The following LYST variants were observed in gnomAD, a reference collection of about 807,000 sequenced individuals.
LYST encodes lysosomal-trafficking regulator.
Under a neutral mutation model 413.6 loss-of-function variants are expected in LYST, and 192 were observed. That is an observed-to-expected ratio of 0.46 (90% CI 0.41 to 0.52). The LOEUF (loss-of-function observed/expected upper bound fraction) is 0.52. Among genes scored for constraint, LYST ranks in the 20% least tolerant of loss-of-function variants. The pLI is 0.00. For synonymous variants in LYST, 1,525 were observed against 1,567.3 expected, an observed-to-expected ratio of 0.97 and a Z score of 0.64; for missense variants, 3,815 against 4,499.9, an observed-to-expected ratio of 0.85 and a Z score of 4.35.
Position 235,808,438 on chromosome 1 carries a change from C to G in LYST, c.2363+17G>C. On this transcript the variant is annotated intron_variant, in intron 5 of 52. Transcript: ENST00000389793. ...TCAACAACCCCCGCCCCCGCCGCCA[C>G]CCACACACATACAAACCTGGATTTA... 1.9e-6 allele frequency: 3 copies of G among 1,611,274 alleles called. No individual in the cohort carries two copies. Among genetic ancestry groups the G allele is most frequent in the Non-Finnish European group, 2.5e-6 (3 of 1,178,588 alleles).
intron 1 of LYST, among the ~76,000 whole-genome samples, chr1:235,852,359 C>T (rs536435947): frequency 9.2e-5 from 14 of 152,196 alleles, no homozygotes; most frequent in Non-Finnish European, 2.1e-4. Context: ...TACCTCAAAG[C>T]CATTTGTGGT....
chr1:235,855,096 C>T (rs1408219534), intron 1 of LYST, among the ~76,000 whole-genome samples: 2 of 152,174 alleles, frequency 1.3e-5, no homozygotes, highest in Non-Finnish European at 2.9e-5. Flanking sequence ...TGGAAATTCC[C>T]ATTAATTCCC....
chr1:235,741,618 T>C lies in LYST; in HGVS notation c.8162A>G (p.Lys2721Arg), dbSNP rs1665410868. The change falls in exon 31 of 53, where the codon AAA becomes AGA. Residue 2721 changes from lysine to arginine, a missense_variant. Physicochemically the swap from Lys to Arg is conservative, Grantham distance 26 (BLOSUM62 2). Coordinates refer to ENST00000389793, the MANE Select transcript of LYST (RefSeq NM_000081.4). ...CCATTGCTGCTTGGAACCACTGGCT[T>C]TACTTGAACCCTAAAATCAATCAAG... ...EGFKVSIGSS[K>R]ASGSKQQWTK... The C allele has an allele frequency of 6.2e-7, 1 of 1,613,260 alleles. No individual in the cohort carries two copies. The highest frequency in any genetic ancestry group is 1.3e-5 in the African/African-American group (1 of 74,906).
chr1:235,757,243 T>C lies in LYST; in HGVS notation c.7059+38A>G, dbSNP rs940229136. On this transcript the variant is annotated intron_variant, in intron 24 of 52. Transcript: ENST00000389793. Reference sequence around the variant, plus strand: ...TTTTAAATTACATATATATTTATTTTTCTGAATTAAAATAACATATCTAGT... The same window carrying C: ...TTTTAAATTACATATATATTTATTTCTCTGAATTAAAATAACATATCTAGT... The C allele has an allele frequency of 1.3e-5, 18 of 1,405,278 alleles. No individual in the cohort carries two copies. The African/African-American group carries it at 1.7e-4, about 13-fold the overall frequency. 87.1% of individuals were successfully genotyped at this position (1,405,278 alleles called of 1,614,324 possible).
Position 235,759,521 on chromosome 1 carries a change from G to T in LYST, c.6332C>A (p.Thr2111Asn), listed in dbSNP as rs138179493. 157 of 1,613,806 alleles carry T rather than the reference G, an allele frequency of 9.7e-5. No individual in the cohort carries two copies. Among genetic ancestry groups the T allele is most frequent in the Non-Finnish European group, 1.3e-4 (148 of 1,179,854 alleles). ...LRSRSLPAFP[T>N]SSLLTQSQKL... ...TTGTGATTGCGTTAGTAGTGAAGAA[G>T]TAGGGAATGCTGGTAGGCTTCTAGA... is the stretch of plus-strand genomic sequence containing the variant. The change falls in exon 23 of 53, where the codon ACT becomes AAT. Residue 2111 changes from threonine to asparagine, a missense_variant. This residue lies in a region of LYST where 530 missense variants were observed against 696.5 expected (regional missense o/e 0.76). Transcript: ENST00000389793.
intron 1 of LYST, among the ~76,000 whole-genome samples, chr1:235,878,001 A>G (rs1198305223): frequency 2.0e-5 from 3 of 152,190 alleles, no homozygotes; most frequent in Admixed American, 2.0e-4. Context: ...ACTGAGGAAG[A>G]CAGTTGACTC....
chr1:235,755,642 T>A lies in LYST; in HGVS notation c.7065A>T (p.Leu2355Phe). ...TAGATGCTCTAGCAAAATATGCATCTAATAGCTAAACAAAAAATTTAAGTC... is the reference window on the plus strand; with the variant it reads ...TAGATGCTCTAGCAAAATATGCATCAAATAGCTAAACAAAAAATTTAAGTC... ...PAIQQGVIKL[L>F]DAYFARASKE... The change falls in exon 25 of 53, where the codon TTA becomes TTT. Residue 2355 changes from leucine (L) to phenylalanine (F), a missense_variant. Transcript: ENST00000389793. 6.3e-7 allele frequency: 1 copy of A among 1,594,914 alleles called. No individual in the cohort carries two copies. The highest frequency in any genetic ancestry group is 8.6e-7 in the Non-Finnish European group (1 of 1,163,000).
At chr1:235,701,876 T>C (rs185662660) in intron 45 of LYST, among the ~76,000 whole-genome samples, 156 of 152,376 alleles carry the variant, frequency 1.0e-3, no homozygotes, top group African/African-American at 3.6e-3. Flanking sequence ...ATTTGACATA[T>C]GTGAGCTATG....
chr1:235,775,556 T>C (rs1669148108), intron 17 of LYST, among the ~76,000 whole-genome samples: 1 of 152,220 alleles, frequency 6.6e-6, no homozygotes, highest in Non-Finnish European at 1.5e-5. Context: ...AACTACTATA[T>C]ACATAAGAAA....
At chr1:235,879,935 C>T (rs1681306431) in intron 1 of LYST, among the ~76,000 whole-genome samples, 1 of 152,186 alleles carries the variant, frequency 6.6e-6, no homozygotes, top group East Asian at 1.9e-4. Context: ...CGGGGTTTCA[C>T]CATGTTAGCC....
In LYST at chr1:235,766,084, T is replaced by TGCAAAG. The variant is rs1235667612; in HGVS notation, c.6110_6115dup (p.Leu2038_His2039insProLeu). On this transcript the variant is annotated inframe_insertion, in exon 21 of 53. Coordinates refer to ENST00000389793, the MANE Select transcript of LYST (RefSeq NM_000081.4). ...ACAAAAATGATTATACCTACCTATG[T>TGCAAAG]GCAAAGAAAAGTAGAAGTTCGTGGG... The TGCAAAG allele has an allele frequency of 1.2e-6, 2 of 1,611,048 alleles. No individual in the cohort carries two copies. Among genetic ancestry groups the TGCAAAG allele is most frequent in the Admixed American group, 3.3e-5 (2 of 60,008 alleles).
intron 48 of LYST, among the ~76,000 whole-genome samples, chr1:235,678,486 G>A (rs769310696): frequency 4.7e-4 from 71 of 152,050 alleles, no homozygotes; most frequent in Admixed American, 1.3e-3. Context: ...GGCCACACTG[G>A]CTCACGGATA....
chr1:235,713,375 T>C (rs1349943539), intron 42 of LYST, among the ~76,000 whole-genome samples: 1 of 152,182 alleles, frequency 6.6e-6, no homozygotes, highest in African/African-American at 2.4e-5. Context: ...GAGGTCAAAG[T>C]ATCTGGAGCT....
chr1:235,663,783 T>A (rs1207723086), intron 52 of LYST, among the ~76,000 whole-genome samples: 1 of 152,218 alleles, frequency 6.6e-6, no homozygotes, highest in Non-Finnish European at 1.5e-5. Context: ...AGTCACTGAC[T>A]CGGATTTTAA....
At chr1:235,698,745 T>C (rs778533388) in intron 45 of LYST, among the ~76,000 whole-genome samples, 193 of 151,946 alleles carry the variant, frequency 1.3e-3, no homozygotes, top group African/African-American at 4.0e-3. Flanking sequence ...TGGTGGCGGG[T>C]GCCTGCAGTC....
chr1:235,827,744 A>T (rs1181497718), intron 3 of LYST: 1 of 964,396 alleles, frequency 1.0e-6, no homozygotes, highest in Non-Finnish European at 1.2e-6. Flanking sequence ...ATTAAAAAAT[A>T]CCACCACAGG....
chr1:235,867,220 C>T (rs1680666159), upstream of LYST, among the ~76,000 whole-genome samples: 1 of 152,232 alleles, frequency 6.6e-6, no homozygotes, highest in Non-Finnish European at 1.5e-5. Flanking sequence ...CCTCCCAGGG[C>T]TCTGCGTAGT....
intron 38 of LYST, among the ~76,000 whole-genome samples, chr1:235,724,593 A>G (rs544575551): frequency 6.6e-6 from 1 of 152,192 alleles, no homozygotes; most frequent in East Asian, 1.9e-4. Flanking sequence ...TGTACATTCC[A>G]TGGGTTTTGA....
At chr1:235,684,485 G>C (rs534602315) in intron 48 of LYST, among the ~76,000 whole-genome samples, 5 of 152,152 alleles carry the variant, frequency 3.3e-5, no homozygotes, top group Non-Finnish European at 7.3e-5. Context: ...GAGCTCAGAA[G>C]ATTAAAGGTA....
Sources: gnomAD v4.1 joint callset for allele counts (sites outside exome capture counted in the v4.1 genomes callset) on GRCh38, gnomAD v4.1.1 for gene constraint, gnomAD v4.1.1 regional missense constraint, MANE v1.5 for transcripts, NCBI Gene and HGNC (gene_info 2026-07-23, HGNC 2026-07-21) for gene names.